Variants in KCNH1 observed in about 807,000 individuals in gnomAD.
KCNH1 encodes the protein voltage-gated delayed rectifier potassium channel KCNH1.
A neutral mutation model predicts 69.2 loss-of-function variants in KCNH1; 27 were observed. The ratio of observed to expected loss-of-function variants is 0.39; its 90% confidence interval spans 0.29 to 0.54. KCNH1 has a LOEUF of 0.54. Ranked by LOEUF, KCNH1 falls within the 20% of genes least tolerant of loss-of-function variation. KCNH1 has a pLI of 0.68. For synonymous variants in KCNH1, 456 were observed against 487.7 expected (o/e 0.93, Z 0.86); for missense variants, 798 against 1,261.6 (o/e 0.63, Z 5.57).
At chr1:210,715,587 A>C (rs2149020751) in intron 10 of KCNH1, among the ~76,000 whole-genome samples, 1 of 152,250 alleles carries the variant, frequency 6.6e-6, no homozygotes, top group East Asian at 1.9e-4. Flanking sequence ...TTTCATAAAA[A>C]CATCCCCAGA....
intron 5 of KCNH1, among the ~76,000 whole-genome samples, chr1:211,076,377 G>A (rs75247427): frequency 0.017 from 2,546 of 152,272 alleles, 72 homozygotes; most frequent in African/African-American, 0.056. Context: ...TTGGGGATGA[G>A]GCCTCCAAAG....
chr1:210,751,423 C>A (rs1162111748), intron 10 of KCNH1, among the ~76,000 whole-genome samples: 1 of 152,114 alleles, frequency 6.6e-6, no homozygotes, highest in African/African-American at 2.4e-5. Flanking sequence ...ACATAAAATT[C>A]AATTTTAAGA....
chr1:211,110,133 A>G (rs1429931193), intron 1 of KCNH1, among the ~76,000 whole-genome samples: 1 of 152,166 alleles, frequency 6.6e-6, no homozygotes, highest in South Asian at 2.1e-4. Flanking sequence ...TCTCTTTAAA[A>G]TTAAAACAAT....
intron 7 of KCNH1, among the ~76,000 whole-genome samples, chr1:210,863,081 G>GA (rs2102484009): frequency 6.6e-6 from 1 of 152,092 alleles, no homozygotes; most frequent in East Asian, 1.9e-4. Flanking sequence ...ATCCCCTATG[G>GA]AAAAAAAGGA....
Position 211,011,723 on chromosome 1 carries a change from G to T in KCNH1, c.1032+7060C>A, listed in dbSNP as rs147087516. Among the ~76,000 whole-genome samples, 25 of 152,250 alleles carry T rather than the reference G, an allele frequency of 1.6e-4. No homozygotes were observed. The East Asian group carries it at 4.2e-3, about 26-fold the overall frequency. Reference sequence around the variant, plus strand: ...GAAATGGTCCCCTAGCCACTCCCCAGCTCCCACACGTACACACCCCAGGTA... The same window carrying T: ...GAAATGGTCCCCTAGCCACTCCCCATCTCCCACACGTACACACCCCAGGTA... On this transcript the variant is annotated intron_variant, in intron 6 of 10. Coordinates refer to ENST00000271751, the MANE Select transcript of KCNH1 (RefSeq NM_172362.3).
At chr1:211,024,669 G>A (rs1009329731) in intron 5 of KCNH1, among the ~76,000 whole-genome samples, 2 of 152,266 alleles carry the variant, frequency 1.3e-5, no homozygotes, top group African/African-American at 4.8e-5. Context: ...TGGGACAAAG[G>A]ATTGAGGGAA....
chr1:210,714,366 T>C (rs1682159367), intron 10 of KCNH1, among the ~76,000 whole-genome samples: 1 of 152,184 alleles, frequency 6.6e-6, no homozygotes, highest in Admixed American at 6.5e-5. Flanking sequence ...TTGGGATAGG[T>C]GCTCATGAAA....
intron 4 of KCNH1, among the ~76,000 whole-genome samples, chr1:211,089,568 A>G (rs1691016468): frequency 6.6e-6 from 1 of 152,216 alleles, no homozygotes; most frequent in Non-Finnish European, 1.5e-5. Flanking sequence ...GAGCAGCCAC[A>G]TAATGCTTTT....
chr1:210,877,145 A>G (rs1229372083), intron 7 of KCNH1, among the ~76,000 whole-genome samples: 1 of 152,110 alleles, frequency 6.6e-6, no homozygotes, highest in South Asian at 2.1e-4. Context: ...TTTGCAAAAA[A>G]TGCTACTTGC....
chr1:210,951,918 T>A (rs926248176), intron 6 of KCNH1, among the ~76,000 whole-genome samples: 1 of 152,184 alleles, frequency 6.6e-6, no homozygotes, highest in Non-Finnish European at 1.5e-5. Flanking sequence ...CTTTCTTCTT[T>A]GAGCTTTAAG....
chr1:210,936,210 C>T (rs923966756), intron 6 of KCNH1, among the ~76,000 whole-genome samples: 2 of 152,102 alleles, frequency 1.3e-5, no homozygotes, highest in Non-Finnish European at 2.9e-5. Flanking sequence ...TGCTTTCAAC[C>T]CCGTATTACT....
chr1:211,015,230 C>T (rs1355838458), intron 6 of KCNH1, among the ~76,000 whole-genome samples: 1 of 152,206 alleles, frequency 6.6e-6, no homozygotes, highest in African/African-American at 2.4e-5. Context: ...AAGGAGTGAG[C>T]CACACACATC....
In KCNH1 at chr1:211,002,336, GTGTATATATA is replaced by G. The variant is rs1553369877; in HGVS notation, c.1032+16437_1032+16446del. On this transcript the variant is annotated intron_variant, in intron 6 of 10. Coordinates refer to ENST00000271751, the MANE Select transcript of KCNH1 (RefSeq NM_172362.3). ...TACGTGTATATATATATGTGTGTGT[GTGTATATATA>G]TATATATACACACACACATATATAT... Among the ~76,000 whole-genome samples the G allele has an allele frequency of 6.9e-3, 976 of 141,468 alleles. 11 individuals are homozygous for G. Among genetic ancestry groups the G allele is most frequent in the Middle Eastern group, 0.016 (4 of 250 alleles). 92.8% of individuals were successfully genotyped at this position (141,468 alleles called of 152,430 possible).
At chr1:210,849,927 A>G (rs955779976) in intron 7 of KCNH1, among the ~76,000 whole-genome samples, 39 of 145,816 alleles carry the variant, frequency 2.7e-4, no homozygotes, top group African/African-American at 1.0e-3. Context: ...AAATAATAAT[A>G]AAATTTTAAA....
intron 10 of KCNH1, among the ~76,000 whole-genome samples, chr1:210,738,323 T>C (rs555776418): frequency 6.6e-6 from 1 of 152,334 alleles, no homozygotes; most frequent in South Asian, 2.1e-4. Context: ...TATTCACTGA[T>C]GTATCTCTGA....
At chr1:211,124,638 G>C (rs183577002) in intron 1 of KCNH1, among the ~76,000 whole-genome samples, 1 of 152,240 alleles carries the variant, frequency 6.6e-6, no homozygotes, top group Non-Finnish European at 1.5e-5. Flanking sequence ...AAGAGAGAGA[G>C]AGAGAGACCA....
intron 7 of KCNH1, among the ~76,000 whole-genome samples, chr1:210,842,871 C>G (rs1264651973): frequency 2.6e-5 from 4 of 152,160 alleles, no homozygotes; most frequent in Non-Finnish European, 5.9e-5. Flanking sequence ...TCTTCTCTGT[C>G]CCATCTTGTG....
At chr1:210,909,672 G>C (rs1039803980) in intron 7 of KCNH1, among the ~76,000 whole-genome samples, 4 of 152,220 alleles carry the variant, frequency 2.6e-5, no homozygotes, top group African/African-American at 4.8e-5. Context: ...TTCAAAAATG[G>C]AAGTTTTTCT....
chr1:210,801,797 G>A (rs765793156), intron 8 of KCNH1, among the ~76,000 whole-genome samples: 6 of 152,338 alleles, frequency 3.9e-5, no homozygotes, highest in Admixed American at 6.5e-5. Context: ...AACAATAGGC[G>A]TAGTTGGGGC....
Sources: allele counts gnomAD v4.1 joint callset (sites outside exome capture counted in the v4.1 genomes callset), GRCh38; gene constraint gnomAD v4.1.1; transcripts MANE v1.5; gene names NCBI Gene and HGNC (gene_info 2026-07-23, HGNC 2026-07-21).